The following EYS variants were observed in gnomAD, a reference collection of about 807,000 sequenced individuals.
The protein encoded by EYS is protein eyes shut homolog.
Under a neutral mutation model 282.1 loss-of-function variants are expected in EYS, and 250 were observed. That is an observed-to-expected ratio of 0.89 (90% CI 0.80 to 0.98). The LOEUF (loss-of-function observed/expected upper bound fraction) is 0.98. Ranked by LOEUF, EYS falls within the 50% of genes least tolerant of loss-of-function variation. The pLI is 0.00. For synonymous variants in EYS, 1,355 were observed against 1,282.9 expected (o/e 1.06, Z -1.20); for missense variants, 4,016 against 3,709.0 (o/e 1.08, Z -2.15).
At chr6:64,244,676 C>T (rs1010072123) in intron 30 of EYS, among the ~76,000 whole-genome samples, 21 of 152,138 alleles carry the variant, frequency 1.4e-4, no homozygotes, top group Non-Finnish European at 2.9e-5. Flanking sequence ...TTTTGCAACA[C>T]CTTTTTCAAT....
chr6:63,801,229 A>T (rs1036535725), intron 37 of EYS, among the ~76,000 whole-genome samples: 12 of 152,158 alleles, frequency 7.9e-5, no homozygotes, highest in Non-Finnish European at 1.8e-4. Context: ...TGCTATTGCA[A>T]TAGTGTGTGA....
intron 33 of EYS, among the ~76,000 whole-genome samples, chr6:64,005,825 T>C (rs1768319226): frequency 6.6e-6 from 1 of 152,142 alleles, no homozygotes; most frequent in South Asian, 2.1e-4. Flanking sequence ...CATTGGTCTT[T>C]GTGTCTGTTT....
intron 12 of EYS, among the ~76,000 whole-genome samples, chr6:65,120,151 C>CA (rs1170415166): frequency 0.023 from 1,425 of 62,194 alleles, 67 homozygotes; most frequent in African/African-American, 0.064. Flanking sequence ...GACTCCGTCT[C>CA]AAAAAAAAAA....
intron 42 of EYS, among the ~76,000 whole-genome samples, chr6:63,723,553 C>T (rs1489244988): frequency 1.3e-5 from 2 of 152,002 alleles, no homozygotes; most frequent in Non-Finnish European, 2.9e-5. Context: ...AAAGCTGAAG[C>T]TGTGATCTAT....
At chr6:64,412,298 T>C (rs372346166) in intron 28 of EYS, among the ~76,000 whole-genome samples, 1 of 152,178 alleles carries the variant, frequency 6.6e-6, no homozygotes, top group East Asian at 1.9e-4. Context: ...TTTGACAAAC[T>C]AGTGTAAGAA....
chr6:64,832,537 G>T (rs1413702021), intron 19 of EYS, among the ~76,000 whole-genome samples: 1 of 151,730 alleles, frequency 6.6e-6, no homozygotes, highest in Non-Finnish European at 1.5e-5. Context: ...AGTACCTATA[G>T]TTACCAATAT....
At chr6:64,212,366 G>T (rs1765806203) in intron 31 of EYS, among the ~76,000 whole-genome samples, 1 of 151,382 alleles carries the variant, frequency 6.6e-6, no homozygotes, top group Admixed American at 6.6e-5. Context: ...AAAACAATAA[G>T]TCCCAAAAGG....
At chr6:65,296,158 A>C (rs1768659819) in intron 11 of EYS, 39 bp from the exon 12 acceptor site, 1 of 1,494,218 alleles carries the variant, frequency 6.7e-7, no homozygotes, top group South Asian at 1.3e-5. Flanking sequence ...TTAGTCATAT[A>C]CTTTATTTTG....
At chr6:64,885,492 A>T (rs991808829) in intron 19 of EYS, among the ~76,000 whole-genome samples, 4 of 151,766 alleles carry the variant, frequency 2.6e-5, no homozygotes, top group Non-Finnish European at 5.9e-5. Context: ...CAGCAGTAAC[A>T]ACAACAAGGT....
intron 35 of EYS, among the ~76,000 whole-genome samples, chr6:63,981,215 A>G (rs1767074133): frequency 1.3e-5 from 2 of 151,698 alleles, no homozygotes; most frequent in Admixed American, 1.3e-4. Context: ...TTACTGCACA[A>G]ACTGCTGGAG....
intron 9 of EYS, among the ~76,000 whole-genome samples, chr6:65,350,734 A>G (rs932077326): frequency 6.6e-6 from 1 of 151,670 alleles, no homozygotes; most frequent in African/African-American, 2.4e-5. Context: ...GATGACATTG[A>G]AAAGAAACAG....
chr6:65,535,691 G>C (rs1486253527), intron 2 of EYS, among the ~76,000 whole-genome samples: 2 of 152,280 alleles, frequency 1.3e-5, no homozygotes, highest in African/African-American at 2.4e-5. Context: ...AGAGGATTCT[G>C]TTCCTTACTC....
rs201489063 is a variant in EYS at position 64,169,422 on chromosome 6, TGAG to T, written c.6424+61167_6424+61169del. 5.3e-3 allele frequency among the ~76,000 whole-genome samples: 625 copies of T among 117,460 alleles called. 11 individuals carry two copies. Among genetic ancestry groups the T allele is most frequent in the African/African-American group, 0.017 (578 of 34,020 alleles). 77.1% of individuals were successfully genotyped at this position (117,460 alleles called of 152,430 possible). A position where few individuals can be genotyped will look rare whatever the true frequency, so the allele number is the denominator to read the frequency against. ...AAATCAATGACATACTCAAACAATT[TGAG>T]GAGGAGTTTTTTTTTTTTTTTTACA... On this transcript the variant is annotated intron_variant, in intron 31 of 42. Coordinates refer to ENST00000503581, the MANE Select transcript of EYS (RefSeq NM_001142800.2).
At chr6:64,434,606 G>A (rs141493290) in intron 28 of EYS, among the ~76,000 whole-genome samples, 74 of 151,996 alleles carry the variant, frequency 4.9e-4, no homozygotes, top group Admixed American at 7.9e-4. Context: ...TGGTTCATGG[G>A]GCCTGTAGCT....
chr6:63,791,447 G>A (rs1490170891), intron 37 of EYS, among the ~76,000 whole-genome samples: 5 of 151,946 alleles, frequency 3.3e-5, no homozygotes, highest in Admixed American at 1.3e-4. Flanking sequence ...GCGTGGTGGC[G>A]CATGCCTGTA....
chr6:65,663,627 C>G (rs1424171339), intron 1 of EYS, among the ~76,000 whole-genome samples: 1 of 152,094 alleles, frequency 6.6e-6, no homozygotes, highest in African/African-American at 2.4e-5. Flanking sequence ...GATCATGGTA[C>G]AAAAGCAAGT....
At chr6:64,067,039 C>T (rs187073163) in intron 32 of EYS, among the ~76,000 whole-genome samples, 1 of 152,128 alleles carries the variant, frequency 6.6e-6, no homozygotes, top group African/African-American at 2.4e-5. Context: ...CAATCTCATT[C>T]TTCATCCCCA....
chr6:64,480,206 A>T (rs1776396049), intron 26 of EYS, among the ~76,000 whole-genome samples: 1 of 151,926 alleles, frequency 6.6e-6, no homozygotes, highest in Non-Finnish European at 1.5e-5. Flanking sequence ...TATCTTATAC[A>T]TGGAAGCTGG....
intron 22 of EYS, among the ~76,000 whole-genome samples, chr6:64,690,307 T>A (rs546023781): frequency 6.6e-6 from 1 of 152,166 alleles, no homozygotes; most frequent in South Asian, 2.1e-4. Context: ...AGAATGGTGA[T>A]CATTAAAAAG....
Sources: gnomAD v4.1 joint callset for allele counts (sites outside exome capture counted in the v4.1 genomes callset) on GRCh38, gnomAD v4.1.1 for gene constraint, MANE v1.5 for transcripts, NCBI Gene and HGNC (gene_info 2026-07-23, HGNC 2026-07-21) for gene names.